Variants in NFILZ observed in about 807,000 individuals in gnomAD.
The protein encoded by NFILZ is NFIL3 like basic leucine zipper, also known as NFIL3 like protein.
intron 3 of NFILZ, among the ~76,000 whole-genome samples, chr19:8,663,772 A>ATGTATGTGTGTGTGTG (rs2043048684): frequency 1.3e-5 from 1 of 77,024 alleles, no homozygotes. Flanking sequence ...GTGTGTGTGT[A>ATGTATGTGTGTGTGTG]TGTATGTGTG....
At chr19:8,658,494 G>A (rs550647653) in intron 3 of NFILZ, among the ~76,000 whole-genome samples, 353 of 152,228 alleles carry the variant, frequency 2.3e-3, no homozygotes, top group African/African-American at 8.3e-3. Flanking sequence ...TTTCCCCTGG[G>A]TTTAGAACCA....
Position 8,680,015 on chromosome 19 carries a change from A to T in NFILZ, c.*2380A>T, listed in dbSNP as rs2043138131. On this transcript the variant is annotated 3_prime_UTR_variant, in exon 6 of 6. Transcript: ENST00000691075. ...GTTCGAGACCAGCCTGGCCAACATGATGAAGCCCCGTCTCTAGTAAAAATA... is the reference window on the plus strand; with the variant it reads ...GTTCGAGACCAGCCTGGCCAACATGTTGAAGCCCCGTCTCTAGTAAAAATA... Among the ~76,000 whole-genome samples the T allele has an allele frequency of 6.6e-6, 1 of 151,830 alleles. No homozygotes were observed. Among genetic ancestry groups the T allele is most frequent in the Admixed American group, 6.6e-5 (1 of 15,196 alleles).
chr19:8,653,225 C>T (rs1889940732), intron 3 of NFILZ, among the ~76,000 whole-genome samples: 1 of 151,786 alleles, frequency 6.6e-6, no homozygotes, highest in South Asian at 2.1e-4. Context: ...GGATTATAGG[C>T]ACGCACCACC....
At chr19:8,661,083 TCCCCCTCCCTC>T (rs2146161093) in intron 3 of NFILZ, among the ~76,000 whole-genome samples, 5 of 55,400 alleles carry the variant, frequency 9.0e-5, no homozygotes, top group African/African-American at 3.5e-4. Flanking sequence ...CTCCCTTCCT[TCCCCCTCCCTC>T]CCTTCCTCCT....
rs1555748745 is a variant in NFILZ, at chr19:8,658,789, A to G, written c.-163-15762A>G. Among the ~76,000 whole-genome samples the G allele has an allele frequency of 3.9e-5, 6 of 152,316 alleles. 1 individual carries two copies. Among genetic ancestry groups the G allele is most frequent in the African/African-American group, 1.4e-4 (6 of 41,574 alleles). ...GACAGGCAGTGGCGTCATGAAAGAA[A>G]GAGAGACGTTAGTTGCTGGGCGCAG... On this transcript the variant is annotated intron_variant, in intron 3 of 5. Transcript: ENST00000691075.
rs1600147511 is a variant in NFILZ at position 8,656,387 on chromosome 19, TCTCCCGCAGCCCAC to T, written c.-163-18161_-163-18148del. 8.4e-3 allele frequency among the ~76,000 whole-genome samples: 526 copies of T among 62,774 alleles called. 4 individuals carry two copies. The highest frequency in any genetic ancestry group is 0.028 in the Middle Eastern group (4 of 144). 41.2% of individuals were successfully genotyped at this position (62,774 alleles called of 152,430 possible). A position where few individuals can be genotyped will look rare whatever the true frequency, so the allele number is the denominator to read the frequency against. On this transcript the variant is annotated intron_variant, in intron 3 of 5. Transcript: ENST00000691075. Reference sequence around the variant, plus strand: ...CCCACCTTCTCCCTGAAGCCCACCTTCTCCCGCAGCCCACCTTCTCTCTGAAACCCACCTCTTTC... The same window carrying T: ...CCCACCTTCTCCCTGAAGCCCACCTTCTTCTCTCTGAAACCCACCTCTTTC...
At chr19:8,638,212 C>T (rs1379539933) in intron 3 of NFILZ, among the ~76,000 whole-genome samples, 1 of 152,202 alleles carries the variant, frequency 6.6e-6, no homozygotes, top group East Asian at 1.9e-4. Flanking sequence ...GCGGTAAACG[C>T]TAAGCCAGGC....
At chr19:8,650,744 C>G (rs78850613) in intron 3 of NFILZ, among the ~76,000 whole-genome samples, 1 of 151,662 alleles carries the variant, frequency 6.6e-6, no homozygotes, top group South Asian at 2.1e-4. Context: ...TAGAATATGA[C>G]TGATTCTCTC....
chr19:8,630,975 G>A (rs948642125), intron 1 of NFILZ, among the ~76,000 whole-genome samples: 1 of 152,240 alleles, frequency 6.6e-6, no homozygotes, highest in Non-Finnish European at 1.5e-5. Context: ...ATGGAACTGC[G>A]GCCAAGTGAG....
intron 4 of NFILZ, among the ~76,000 whole-genome samples, 114 bp from the exon 5 acceptor site, chr19:8,676,245 A>T (rs1264443457): frequency 6.6e-6 from 1 of 152,196 alleles, no homozygotes; most frequent in East Asian, 1.9e-4. Context: ...TTCTGGCCAC[A>T]AACTGAAGCG....
intron 3 of NFILZ, among the ~76,000 whole-genome samples, chr19:8,672,648 T>TCCC (rs2043093765): frequency 6.6e-6 from 1 of 152,236 alleles, no homozygotes; most frequent in African/African-American, 2.4e-5. Context: ...CATGCATTTA[T>TCCC]TAGTTCATGC....
At chr19:8,635,790 T>G (rs1179076447) in intron 3 of NFILZ, 44 bp downstream of exon 3, 1 of 152,072 alleles carries the variant, frequency 6.6e-6, no homozygotes, top group Admixed American at 6.6e-5. Flanking sequence ...GAGTCCTTAT[T>G]CTCTCTCTCT....
chr19:8,653,811 C>A (rs757129123), intron 3 of NFILZ, among the ~76,000 whole-genome samples: 3 of 152,004 alleles, frequency 2.0e-5, no homozygotes, highest in Non-Finnish European at 4.4e-5. Flanking sequence ...GATTTCAGGC[C>A]CTTGGGGTGG....
At chr19:8,658,975 G>A (rs574243191) in intron 3 of NFILZ, among the ~76,000 whole-genome samples, 5 of 151,678 alleles carry the variant, frequency 3.3e-5, no homozygotes, top group South Asian at 2.1e-4. Flanking sequence ...GCTGGTTGCC[G>A]TGGCTCATGC....
At chr19:8,652,314 A>G (rs1406644074) in intron 3 of NFILZ, among the ~76,000 whole-genome samples, 1 of 152,042 alleles carries the variant, frequency 6.6e-6, no homozygotes. Flanking sequence ...CGTGTTAGCC[A>G]GGATGGTCTC....
intron 3 of NFILZ, among the ~76,000 whole-genome samples, chr19:8,659,046 G>T (rs782289253): frequency 1.3e-5 from 2 of 152,072 alleles, no homozygotes; most frequent in Admixed American, 6.6e-5. Flanking sequence ...AGGATTTCGA[G>T]ACCGGCCTGG....
chr19:8,639,096 G>A (rs923094582), intron 3 of NFILZ, among the ~76,000 whole-genome samples: 45 of 152,124 alleles, frequency 3.0e-4, no homozygotes, highest in African/African-American at 1.1e-3. Flanking sequence ...TGCCCGACTC[G>A]GCCTCCCAAA....
intron 3 of NFILZ, among the ~76,000 whole-genome samples, chr19:8,667,042 G>A (rs1177047690): frequency 1.3e-5 from 2 of 151,080 alleles, no homozygotes; most frequent in East Asian, 1.9e-4. Context: ...GAGCCACCTC[G>A]CTCGGCTGTT....
chr19:8,633,920 TTCC>T (rs1568416476), intron 2 of NFILZ, among the ~76,000 whole-genome samples: 2 of 147,592 alleles, frequency 1.4e-5, no homozygotes. Context: ...CCTTCCTTCC[TTCC>T]TTCCTTCCTT....
Sources: allele counts gnomAD v4.1 joint callset (sites outside exome capture counted in the v4.1 genomes callset), GRCh38; gene constraint gnomAD v4.1.1; transcripts MANE v1.5; gene names NCBI Gene and HGNC (gene_info 2026-07-23, HGNC 2026-07-21).